FAM174B: variants seen among roughly 807,000 people sequenced by gnomAD.
The protein encoded by FAM174B is family with sequence similarity 174 member B.
A neutral mutation model predicts 10.9 loss-of-function variants in FAM174B; 12 were observed. The observed-to-expected ratio is 1.10, with a 90% confidence interval of 0.71 to 1.79. The LOEUF is 1.79. FAM174B is among the 40% of genes most tolerant of loss of function. The pLI is 0.00. For missense variants in FAM174B, 266 were observed against 233.3 expected (o/e 1.14, Z -0.91); for synonymous variants, 132 against 115.8 (o/e 1.14, Z -0.90).
intron 2 of FAM174B, among the ~76,000 whole-genome samples, chr15:92,624,865 C>CCA (rs1393549788): frequency 2.6e-5 from 4 of 152,300 alleles, no homozygotes; most frequent in Non-Finnish European, 4.4e-5. Context: ...GGGCCGCCTG[C>CCA]CACACACACG....
At chr15:92,622,287 C>T (rs995538938) in intron 2 of FAM174B, among the ~76,000 whole-genome samples, 3 of 152,240 alleles carry the variant, frequency 2.0e-5, no homozygotes, top group African/African-American at 7.2e-5. Flanking sequence ...CACTGCTCAT[C>T]GCAGAATCCT....
chr15:92,641,868 GA>G (rs1385099510), intron 1 of FAM174B, among the ~76,000 whole-genome samples: 1 of 152,104 alleles, frequency 6.6e-6, no homozygotes, highest in East Asian at 1.9e-4. Flanking sequence ...TCAAGAAAGT[GA>G]AAAGACACCC....
chr15:92,655,711 G>A lies in FAM174B; in HGVS notation c.-52C>T. 8.2e-7 allele frequency: 1 copy of A among 1,221,734 alleles called. No homozygotes were observed. Among genetic ancestry groups the A allele is most frequent in the Non-Finnish European group, 1.0e-6 (1 of 980,038 alleles). 75.7% of individuals were successfully genotyped at this position (1,221,734 alleles called of 1,614,324 possible). A position where few individuals can be genotyped will look rare whatever the true frequency, so the allele number is the denominator to read the frequency against. ...GCAGGGCGCGCGCGGCTGAGCTCCAGGATCCGCACCAGCACGGAGGCCTGC... is the reference window on the plus strand; with the variant it reads ...GCAGGGCGCGCGCGGCTGAGCTCCAAGATCCGCACCAGCACGGAGGCCTGC... On this transcript the variant is annotated 5_prime_UTR_variant, in exon 1 of 3. Coordinates refer to ENST00000327355, the MANE Select transcript of FAM174B (RefSeq NM_207446.3).
chr15:92,646,299 C>T (rs366789), intron 1 of FAM174B, among the ~76,000 whole-genome samples: 24,979 of 152,130 alleles, frequency 0.16, 2,209 homozygotes, highest in Middle Eastern at 0.22. Flanking sequence ...CTACAAATCT[C>T]CTAGTCCTCC....
intron 1 of FAM174B, among the ~76,000 whole-genome samples, chr15:92,643,887 A>T (rs1314237334): frequency 6.6e-6 from 1 of 152,198 alleles, no homozygotes; most frequent in Admixed American, 6.5e-5. Flanking sequence ...CATTTGGAAA[A>T]AGTAATCAAG....
intron 1 of FAM174B, chr15:92,634,278 G>GA (rs1382611926): frequency 2.0e-5 from 3 of 152,352 alleles, no homozygotes; most frequent in Non-Finnish European, 4.4e-5. Flanking sequence ...ACAAAGCCCA[G>GA]AAAATGCAAA....
chr15:92,644,852 G>A (rs1024985490), intron 1 of FAM174B, among the ~76,000 whole-genome samples: 73 of 152,316 alleles, frequency 4.8e-4, no homozygotes, highest in Admixed American at 1.1e-3. Flanking sequence ...CGGCTGCCCC[G>A]GAACAGAGGT....
intron 1 of FAM174B, among the ~76,000 whole-genome samples, chr15:92,633,509 A>C (rs1190310840): frequency 6.6e-6 from 1 of 152,188 alleles, no homozygotes; most frequent in East Asian, 1.9e-4. Flanking sequence ...GATGATACCC[A>C]AGCCTTATCA....
chr15:92,641,302 AGT>A (rs1425846448), intron 1 of FAM174B, among the ~76,000 whole-genome samples: 2 of 152,266 alleles, frequency 1.3e-5, no homozygotes, highest in African/African-American at 4.8e-5. Flanking sequence ...TACAGAGAGC[AGT>A]GTGACAATAT....
intron 1 of FAM174B, among the ~76,000 whole-genome samples, chr15:92,640,834 G>A (rs1025026105): frequency 8.6e-5 from 13 of 151,780 alleles, no homozygotes; most frequent in Non-Finnish European, 1.5e-4. Flanking sequence ...TAGTAGAGAT[G>A]GGGTTTCACC....
At chr15:92,637,570 C>T (rs931241963) in intron 1 of FAM174B, among the ~76,000 whole-genome samples, 4 of 152,200 alleles carry the variant, frequency 2.6e-5, no homozygotes, top group Non-Finnish European at 4.4e-5. Context: ...TAATAGTTAG[C>T]CTTCCATATG....
chr15:92,643,793 C>A (rs770103512), intron 1 of FAM174B, among the ~76,000 whole-genome samples: 5 of 152,058 alleles, frequency 3.3e-5, no homozygotes, highest in Non-Finnish European at 7.4e-5. Context: ...ATTTTTAAGC[C>A]CACTAAAGTA....
intron 2 of FAM174B, chr15:92,619,851 C>T: frequency 4.1e-6 from 1 of 241,482 alleles, no homozygotes; most frequent in East Asian, 8.3e-5. Context: ...CTCAACCCTG[C>T]TGTTGGGGTG....
At chr15:92,654,738 T>G (rs1222709235) in intron 1 of FAM174B, among the ~76,000 whole-genome samples, 1 of 150,410 alleles carries the variant, frequency 6.6e-6, no homozygotes, top group Non-Finnish European at 1.5e-5. Context: ...AGCGTAATTC[T>G]GGAGGCAATT....
At chr15:92,641,776 C>G (rs77291625) in intron 1 of FAM174B, among the ~76,000 whole-genome samples, 2,149 of 151,934 alleles carry the variant, frequency 0.014, 46 homozygotes, top group African/African-American at 0.047. Context: ...AAATATGACA[C>G]CAGAAGCAAA....
At chr15:92,648,809 C>T (rs12908852) in intron 1 of FAM174B, among the ~76,000 whole-genome samples, 119,091 of 152,176 alleles carry the variant, frequency 0.78, 47,036 homozygotes, top group East Asian at 0.97. Flanking sequence ...TCCTCCTCCC[C>T]GCACCCTCAG....
intron 1 of FAM174B, chr15:92,639,051 G>A (rs1169118124): frequency 6.6e-6 from 1 of 152,440 alleles, no homozygotes; most frequent in East Asian, 1.9e-4. Context: ...ACCAAGGCCA[G>A]AAGGCACTGA....
In FAM174B at chr15:92,639,907, T is replaced by C. The variant is rs1277087496; in HGVS notation, c.345-9562A>G. Reference sequence around the variant, plus strand: ...TGCTGAACCATTAGCCAATACCCAGTCTCAGGTATTTCTTTATAGCAGTGC... The same window carrying C: ...TGCTGAACCATTAGCCAATACCCAGCCTCAGGTATTTCTTTATAGCAGTGC... On this transcript the variant is annotated intron_variant, in intron 1 of 2. Coordinates refer to ENST00000327355, the MANE Select transcript of FAM174B (RefSeq NM_207446.3). Among the ~76,000 whole-genome samples, 4 of 152,160 alleles carry C rather than the reference T, an allele frequency of 2.6e-5. No individual in the cohort carries two copies. The East Asian group carries it at 7.7e-4, about 29-fold the overall frequency.
intron 1 of FAM174B, among the ~76,000 whole-genome samples, chr15:92,650,141 A>G (rs1351722256): frequency 6.6e-6 from 1 of 152,250 alleles, no homozygotes; most frequent in African/African-American, 2.4e-5. Context: ...AAAAGTATTA[A>G]GCTTTTATAT....
Sources: gnomAD v4.1 joint callset for allele counts (sites outside exome capture counted in the v4.1 genomes callset) on GRCh38, gnomAD v4.1.1 for gene constraint, MANE v1.5 for transcripts, NCBI Gene and HGNC (gene_info 2026-07-23, HGNC 2026-07-21) for gene names.